The following TAFA5 variants were observed in gnomAD, a reference collection of about 807,000 sequenced individuals.
The protein encoded by TAFA5 is chemokine-like protein TAFA-5.
In TAFA5, 6 loss-of-function variants were observed where a neutral mutation model predicts 15.3. The ratio of observed to expected loss-of-function variants is 0.39; its 90% CI spans 0.21 to 0.77. TAFA5 has a LOEUF of 0.77. Among genes scored for constraint, TAFA5 ranks in the 30% least tolerant of loss-of-function variants. The probability of loss-of-function intolerance (pLI) is 0.41; values close to 1 mark genes in which losing one functional copy is unlikely to be tolerated. For synonymous variants in TAFA5, 103 were observed against 80.7 expected (o/e 1.28, Z -1.48); for missense variants, 161 against 193.1 (o/e 0.83, Z 0.98).
chr22:48,565,605 T>A (rs150382078), intron 1 of TAFA5, among the ~76,000 whole-genome samples: 30 of 152,348 alleles, frequency 2.0e-4, no homozygotes, highest in Middle Eastern at 3.4e-3. Flanking sequence ...AAACTGTCAT[T>A]CTCAGGTCTT....
intron 1 of TAFA5, among the ~76,000 whole-genome samples, chr22:48,633,532 GTCTCTCCC>G (rs1318578431): frequency 2.9e-5 from 4 of 138,768 alleles, no homozygotes; most frequent in African/African-American, 1.1e-4. Flanking sequence ...CTGTCTGTCT[GTCTCTCCC>G]TCTCTCTCTC....
At chr22:48,511,388 G>A (rs1215306037) in intron 1 of TAFA5, among the ~76,000 whole-genome samples, 4 of 152,272 alleles carry the variant, frequency 2.6e-5, no homozygotes, top group Middle Eastern at 3.4e-3. Context: ...CCTCCTCACT[G>A]TCTCCTGGGG....
intron 3 of TAFA5, among the ~76,000 whole-genome samples, chr22:48,736,864 C>T (rs1337010287): frequency 6.6e-6 from 1 of 152,156 alleles, no homozygotes; most frequent in Admixed American, 6.5e-5. Context: ...ACGGGTATGG[C>T]GTTGCTTTCG....
chr22:48,610,208 G>A (rs1214607373), intron 1 of TAFA5, among the ~76,000 whole-genome samples: 1 of 152,068 alleles, frequency 6.6e-6, no homozygotes, highest in Non-Finnish European at 1.5e-5. Flanking sequence ...GGGCCTGGCT[G>A]CACTGCTGCA....
At chr22:48,633,506 C>T (rs1569056505) in intron 1 of TAFA5, among the ~76,000 whole-genome samples, 1 of 68,648 alleles carries the variant, frequency 1.5e-5, no homozygotes, top group African/African-American at 7.3e-5. Flanking sequence ...GTCTGTCTGT[C>T]TGTCTGTCTG....
At chr22:48,673,730 G>A (rs183032259) in intron 2 of TAFA5, among the ~76,000 whole-genome samples, 66 of 152,326 alleles carry the variant, frequency 4.3e-4, no homozygotes, top group Non-Finnish European at 8.4e-4. Context: ...GTGAGGGAGG[G>A]TGGAAGGTGA....
At chr22:48,671,175 C>A (rs965552548) in intron 2 of TAFA5, among the ~76,000 whole-genome samples, 6 of 152,210 alleles carry the variant, frequency 3.9e-5, no homozygotes, top group African/African-American at 1.4e-4. Flanking sequence ...TAGCTTCCGG[C>A]TGAGTTCTCA....
chr22:48,679,212 C>G (rs372737136), intron 2 of TAFA5, among the ~76,000 whole-genome samples: 3 of 127,128 alleles, frequency 2.4e-5, no homozygotes, highest in Admixed American at 7.3e-5. Context: ...TCCCGGCTCC[C>G]CGTCCATCCC....
At chr22:48,503,343 T>C (rs546727329) in intron 1 of TAFA5, among the ~76,000 whole-genome samples, 1 of 152,252 alleles carries the variant, frequency 6.6e-6, no homozygotes, top group African/African-American at 2.4e-5. Flanking sequence ...CGTGGGCCCC[T>C]GAGGGCAGAT....
At position 48,490,471 on chromosome 22, in the gene TAFA5, T is replaced by C. The variant is rs1043803476; in HGVS notation, c.112+767T>C. Among the ~76,000 whole-genome samples the C allele has an allele frequency of 2.0e-5, 3 of 151,534 alleles. No homozygotes were observed. Among genetic ancestry groups the C allele is most frequent in the African/African-American group, 4.8e-5 (2 of 41,242 alleles). On this transcript the variant is annotated intron_variant, in intron 1 of 3. Coordinates refer to ENST00000402357, the MANE Select transcript of TAFA5 (RefSeq NM_001082967.3). This position sits in a 1 kb window ranked among gnomAD's most constrained non-coding sequence, Gnocchi z 5.8. ...CTGGAGTGAAGGGTGGGGGGTGGCC[T>C]GTGCCCCTGCCGAGGCTCCAGGCGG...
intron 1 of TAFA5, among the ~76,000 whole-genome samples, chr22:48,630,795 G>C (rs1412137184): frequency 2.1e-5 from 1 of 47,200 alleles, no homozygotes; most frequent in Non-Finnish European, 3.4e-5. Flanking sequence ...CTGGGCACTC[G>C]GCTGTGGGGC....
At chr22:48,611,156 C>CAA (rs1925394641) in intron 1 of TAFA5, among the ~76,000 whole-genome samples, 1 of 152,080 alleles carries the variant, frequency 6.6e-6, no homozygotes, top group Admixed American at 6.5e-5. Flanking sequence ...GCTGGTCTTG[C>CAA]ACTCCTGACC....
At chr22:48,571,687 T>C (rs902472806) in intron 1 of TAFA5, among the ~76,000 whole-genome samples, 2 of 149,000 alleles carry the variant, frequency 1.3e-5, no homozygotes, top group African/African-American at 4.9e-5. Flanking sequence ...CAGAATATGG[T>C]AAGTCTCTAC....
chr22:48,704,212 A>G (rs1038066408), intron 2 of TAFA5, among the ~76,000 whole-genome samples: 13 of 152,022 alleles, frequency 8.6e-5, no homozygotes, highest in Non-Finnish European at 1.3e-4. Context: ...ACACACACAC[A>G]CACACACACA....
rs569515722 is a variant in TAFA5 at position 48,750,127 on chromosome 22, G to A, written c.*280G>A. The A allele has an allele frequency of 5.1e-4, 261 of 507,726 alleles. 2 individuals carry two copies. The highest frequency in any genetic ancestry group is 4.8e-3 in the African/African-American group (244 of 51,060). The allele number at this position is 507,726 out of a possible 1,614,324, so 31.5% of individuals were successfully genotyped here. A position where few individuals can be genotyped will look rare whatever the true frequency, so the allele number is the denominator to read the frequency against. ...AGCCCGGCCGCGCCCAGCCCCCGCC[G>A]ACCGTGGCGTTGGCCCTGCTGTCCT... On this transcript the variant is annotated 3_prime_UTR_variant, in exon 4 of 4. Coordinates refer to ENST00000402357, the MANE Select transcript of TAFA5 (RefSeq NM_001082967.3).
chr22:48,627,404 C>T (rs1032934584), intron 1 of TAFA5, among the ~76,000 whole-genome samples: 5 of 152,246 alleles, frequency 3.3e-5, no homozygotes, highest in South Asian at 4.1e-4. Context: ...TGGAGAAATG[C>T]GTCAGCACCC....
At chr22:48,683,240 G>A (rs186714781) in intron 2 of TAFA5, among the ~76,000 whole-genome samples, 83 of 152,236 alleles carry the variant, frequency 5.5e-4, no homozygotes, top group African/African-American at 1.9e-3. Flanking sequence ...GGACAGGCCC[G>A]GATGTTCCTC....
intron 1 of TAFA5, among the ~76,000 whole-genome samples, chr22:48,513,105 C>A (rs371948127): frequency 6.6e-6 from 1 of 152,056 alleles, no homozygotes; most frequent in Admixed American, 6.6e-5. Flanking sequence ...CAGGCACAGG[C>A]CTGTTTATGT....
intron 1 of TAFA5, among the ~76,000 whole-genome samples, chr22:48,633,539 C>CTCTCTCTCT (rs1569056626): frequency 0.014 from 1,833 of 128,630 alleles, 42 homozygotes; most frequent in Admixed American, 0.023. Flanking sequence ...TCTGTCTCTC[C>CTCTCTCTCT]CTCTCTCTCT....
Sources: allele counts gnomAD v4.1 joint callset (sites outside exome capture counted in the v4.1 genomes callset), GRCh38; gene constraint gnomAD v4.1.1; non-coding constraint Gnocchi (gnomAD v3.1); transcripts MANE v1.5; gene names NCBI Gene and HGNC (gene_info 2026-07-23, HGNC 2026-07-21).